MAP4K1: variants seen among roughly 807,000 people sequenced by gnomAD.
MAP4K1 encodes mitogen-activated protein kinase kinase kinase kinase 1, also known as MAPK/ERK kinase kinase kinase 1.
A neutral mutation model predicts 122.8 loss-of-function variants in MAP4K1; 35 were observed. The ratio of observed to expected loss-of-function variants is 0.29; its 90% CI spans 0.22 to 0.38. The LOEUF is 0.38. Ranked by LOEUF, MAP4K1 falls within the 10% of genes least tolerant of loss-of-function variation. MAP4K1 has a pLI of 1.00. For missense variants in MAP4K1, 791 were observed against 1,072.6 expected, an observed-to-expected ratio of 0.74 and a Z score of 3.67; for synonymous variants, 412 against 421.3, an observed-to-expected ratio of 0.98 and a Z score of 0.27.
intron 19 of MAP4K1, among the ~76,000 whole-genome samples, 180 bp downstream of exon 19, chr19:38,605,229 T>C (rs148883654): frequency 5.3e-4 from 80 of 152,258 alleles, no homozygotes; most frequent in African/African-American, 1.3e-3. Flanking sequence ...ATCTCTGTGA[T>C]ATCTTCTTCA....
chr19:38,599,173 A>T (rs1003595992), intron 22 of MAP4K1, among the ~76,000 whole-genome samples: 4 of 147,434 alleles, frequency 2.7e-5, no homozygotes, highest in Non-Finnish European at 6.0e-5. Context: ...TACTAAAAAT[A>T]AAAAATAAAA....
intron 16 of MAP4K1, 36 bp from the exon 17 acceptor site, chr19:38,606,251 T>G: frequency 8.6e-7 from 1 of 1,160,710 alleles, no homozygotes; most frequent in Non-Finnish European, 1.2e-6. Context: ...GCTGGGGGGC[T>G]GGGGAACAAG....
rs117395128 is a variant in MAP4K1, at chr19:38,613,791, G to A, written c.533+89C>T. 2.5e-4 allele frequency: 255 copies of A among 1,009,482 alleles called. 1 individual carries two copies. In the East Asian group the frequency reaches 5.5e-3, roughly 22 times the overall value. 62.5% of individuals were successfully genotyped at this position (1,009,482 alleles called of 1,614,324 possible). A position where few individuals can be genotyped will look rare whatever the true frequency, so the allele number is the denominator to read the frequency against. On this transcript the variant is annotated intron_variant, in intron 8 of 30. Coordinates refer to ENST00000396857, the MANE Select transcript of MAP4K1 (RefSeq NM_001042600.3). ...AGGAGAAAGGACGAGGCAGGGGAACGGAGCCAGGAAAGAGGATCCCGGGGA... is the reference window on the plus strand; with the variant it reads ...AGGAGAAAGGACGAGGCAGGGGAACAGAGCCAGGAAAGAGGATCCCGGGGA...
At chr19:38,601,707 G>T in intron 19 of MAP4K1, 182 bp from the exon 20 acceptor site, 8 of 547,708 alleles carry the variant, frequency 1.5e-5, no homozygotes, top group East Asian at 7.0e-5. Flanking sequence ...TTTCTTTTCA[G>T]TTTGTTTTTG....
At chr19:38,602,400 A>G in intron 19 of MAP4K1, among the ~76,000 whole-genome samples, 1 of 147,266 alleles carries the variant, frequency 6.8e-6, no homozygotes, top group East Asian at 2.1e-4. Flanking sequence ...ACACATATAC[A>G]TATATATATA....
chr19:38,614,459 C>T lies in MAP4K1; in HGVS notation c.314-14G>A, dbSNP rs1471379263. 1 of 1,613,868 alleles carries T rather than the reference C, an allele frequency of 6.2e-7. No individual in the cohort carries two copies. ...GGGAGCCTGTCACTGCAAAGGTCACCCCGGCCAGGCCAGGCATTGGATGGG... is the reference window on the plus strand; with the variant it reads ...GGGAGCCTGTCACTGCAAAGGTCACTCCGGCCAGGCCAGGCATTGGATGGG... On this transcript the variant is annotated splice_polypyrimidine_tract_variant and intron_variant, in intron 4 of 30. Coordinates refer to ENST00000396857, the MANE Select transcript of MAP4K1 (RefSeq NM_001042600.3).
chr19:38,600,157 G>C lies in MAP4K1; in HGVS notation c.1532-4C>G. On this transcript the variant is annotated splice_polypyrimidine_tract_variant and splice_region_variant and intron_variant, in intron 20 of 30. Transcript: ENST00000396857. ...GCCCCCAGGAGCAGGTGCTGGTCTG[G>C]AGGCACAGACAAGGACGCTGGGACC... The C allele has an allele frequency of 1.9e-6, 3 of 1,613,958 alleles. No homozygotes were observed. The highest frequency in any genetic ancestry group is 2.5e-6 in the Non-Finnish European group (3 of 1,179,888).
intron 8 of MAP4K1, among the ~76,000 whole-genome samples, chr19:38,613,325 G>A (rs1197482168): frequency 4.4e-5 from 5 of 113,552 alleles, no homozygotes; most frequent in South Asian, 7.1e-4. Context: ...AAAAAAGAAC[G>A]AAAAAGAAAA....
In MAP4K1 at chr19:38,617,481, G is replaced by A. The variant is rs749416818; in HGVS notation, c.158-37C>T. ...GCGGGAGAGAAAAGGCAGCTCGCAT[G>A]GGGAGAGAGCTACAGGGGAGGTGAT... On this transcript the variant is annotated intron_variant, in intron 2 of 30. Transcript: ENST00000396857. This position sits in a 1 kb window ranked among gnomAD's most constrained non-coding sequence, Gnocchi z 4.1. 3 of 1,589,428 alleles carry A rather than the reference G, an allele frequency of 1.9e-6. No individual in the cohort carries two copies. Among genetic ancestry groups the A allele is most frequent in the Non-Finnish European group, 2.6e-6 (3 of 1,157,524 alleles).
chr19:38,592,343 G>A (rs897584990), intron 30 of MAP4K1: 1 of 152,106 alleles, frequency 6.6e-6, no homozygotes, highest in African/African-American at 2.4e-5. Context: ...GGGAGGCCAA[G>A]GCAGCTGGAT....
At chr19:38,599,831 G>GTA in intron 22 of MAP4K1, 94 bp downstream of exon 22, 2 of 1,224,820 alleles carry the variant, frequency 1.6e-6, no homozygotes, top group Non-Finnish European at 1.2e-6. Flanking sequence ...AGCAGTCTAA[G>GTA]TTTTTTTTCA....
intron 16 of MAP4K1, 131 bp downstream of exon 16, chr19:38,607,733 T>C (rs1975371360): frequency 1.0e-6 from 1 of 1,000,446 alleles, no homozygotes; most frequent in Non-Finnish European, 1.5e-6. Flanking sequence ...TAATCAGGGC[T>C]CAGGGCTCGG....
chr19:38,596,909 T>A, intron 25 of MAP4K1, 125 bp downstream of exon 25: 1 of 888,834 alleles, frequency 1.1e-6, no homozygotes, highest in South Asian at 1.6e-5. Context: ...GGGCGGGGCC[T>A]CGGGAGATTG....
chr19:38,614,442 G>C lies in MAP4K1; in HGVS notation c.317C>G (p.Thr106Arg), dbSNP rs1975588486. The C allele has an allele frequency of 6.2e-7, 1 of 1,614,102 alleles. No homozygotes were observed. Among genetic ancestry groups the C allele is most frequent in the Non-Finnish European group, 8.5e-7 (1 of 1,180,020 alleles). ...AGSLQDIYQV[T>R]GSLSELQISY... ...AATCTGGAGCTCTGACAGGGAGCCT[G>C]TCACTGCAAAGGTCACCCCGGCCAG... Residue 106 changes from threonine (T) to arginine (R), a missense_variant, in exon 5 of 31, where the codon ACA becomes AGA. Physicochemically the swap from Thr to Arg is moderately conservative, Grantham distance 71. Around this residue, in one of 4 missense-constraint regions of MAP4K1, gnomAD observed 163 missense variants for 286.1 expected, o/e 0.57. Coordinates refer to ENST00000396857, the MANE Select transcript of MAP4K1 (RefSeq NM_001042600.3).
chr19:38,605,351 C>T (rs1975292266), intron 19 of MAP4K1, 58 bp downstream of exon 19: 1 of 1,321,654 alleles, frequency 7.6e-7, no homozygotes. Context: ...CTCCCCACCC[C>T]ACCAGGCATC....
intron 19 of MAP4K1, among the ~76,000 whole-genome samples, chr19:38,603,332 GCATATACATATATACA>G (rs1258721880): frequency 8.1e-5 from 11 of 135,726 alleles, no homozygotes; most frequent in East Asian, 2.2e-4. Context: ...ACATATATAC[GCATATACATATATACA>G]CATATACATA....
At chr19:38,591,201 A>AT in intron 30 of MAP4K1, among the ~76,000 whole-genome samples, 1 of 151,688 alleles carries the variant, frequency 6.6e-6, no homozygotes, top group Non-Finnish European at 1.5e-5. Context: ...AAGAAAAGAA[A>AT]AAAAAAAGAA....
At chr19:38,616,341 T>A in intron 3 of MAP4K1, 82 bp from the exon 4 acceptor site, 1 of 1,101,598 alleles carries the variant, frequency 9.1e-7, no homozygotes, top group Non-Finnish European at 1.3e-6. Context: ...GCTTCTGTCT[T>A]GTTCTAGTTC....
intron 27 of MAP4K1, 35 bp from the exon 28 acceptor site, chr19:38,595,764 C>G (rs1218817535): frequency 6.4e-7 from 1 of 1,553,968 alleles, no homozygotes; most frequent in East Asian, 2.2e-5. Flanking sequence ...GAACTGTGAG[C>G]AAGGCTTAGA....
Sources: allele counts gnomAD v4.1 joint callset (sites outside exome capture counted in the v4.1 genomes callset), GRCh38; gene constraint gnomAD v4.1.1; regional missense constraint gnomAD v4.1.1; non-coding constraint Gnocchi (gnomAD v3.1); transcripts MANE v1.5; gene names NCBI Gene and HGNC (gene_info 2026-07-23, HGNC 2026-07-21).